The following CCDC158 variants were observed in gnomAD, a reference collection of about 807,000 sequenced individuals.
The protein encoded by CCDC158 is coiled-coil domain-containing protein 158.
CCDC158 carries 116 observed loss-of-function variants against 138.6 expected under a neutral mutation model. The ratio of observed to expected loss-of-function variants is 0.84; its 90% CI spans 0.72 to 0.98. The LOEUF (loss-of-function observed/expected upper bound fraction) is 0.98, where lower values mean the gene tolerates loss of function less well. CCDC158 is among the 50% of genes least tolerant of loss of function. The pLI is 0.00. For synonymous variants in CCDC158, 436 were observed against 442.4 expected (o/e 0.99, Z 0.18); for missense variants, 1,265 against 1,306.1 (o/e 0.97, Z 0.48).
At position 76,353,168 on chromosome 4, in the gene CCDC158, G is replaced by T. The variant is rs1243228408; in HGVS notation, c.2400C>A (p.Arg800=). The T allele has an allele frequency of 2.5e-6, 4 of 1,613,450 alleles. No individual in the cohort carries two copies. In the African/African-American group the frequency reaches 5.3e-5, roughly 22 times the overall value. ...TATTAGTAACCTTTTCTTTCAAACG[G>T]CGTTCCTGAGATCGCAGAACTTCCA... The part of the protein sequence containing the change: ...GELEVLRSQE[R]RLKEKVTNME... Residue 800 remains arginine, a synonymous_variant, in exon 16 of 25, where the codon CGC becomes CGA. Transcript: ENST00000682701.
chr4:76,320,541 A>G (rs1044922874), intron 24 of CCDC158, among the ~76,000 whole-genome samples: 1 of 152,204 alleles, frequency 6.6e-6, no homozygotes, highest in African/African-American at 2.4e-5. Context: ...ACTTCAAACT[A>G]TACTACAAGG....
At chr4:76,396,672 G>A (rs1472184404) in intron 3 of CCDC158, among the ~76,000 whole-genome samples, 186 bp from the exon 4 acceptor site, 2 of 151,780 alleles carry the variant, frequency 1.3e-5, no homozygotes, top group Non-Finnish European at 2.9e-5. Context: ...CACCATGCCG[G>A]GCTAATTTTT....
intron 22 of CCDC158, among the ~76,000 whole-genome samples, chr4:76,327,602 TATG>T (rs1720646082): frequency 6.6e-6 from 1 of 152,192 alleles, no homozygotes. Context: ...GGTATGACAT[TATG>T]ATAGCTACAA....
intron 22 of CCDC158, among the ~76,000 whole-genome samples, chr4:76,328,064 A>G (rs1242321710): frequency 1.3e-5 from 2 of 152,002 alleles, no homozygotes; most frequent in Non-Finnish European, 2.9e-5. Flanking sequence ...TGATGTTTTT[A>G]ATCTTTCTCT....
At chr4:76,392,192 T>C (rs1320846769) in intron 4 of CCDC158, among the ~76,000 whole-genome samples, 1 of 151,974 alleles carries the variant, frequency 6.6e-6, no homozygotes, top group Non-Finnish European at 1.5e-5. Context: ...CAGGTCAGTA[T>C]CTCTGATGAA....
At chr4:76,322,145 T>A (rs918946792) in intron 24 of CCDC158, among the ~76,000 whole-genome samples, 13 of 150,990 alleles carry the variant, frequency 8.6e-5, no homozygotes, top group African/African-American at 1.5e-4. Flanking sequence ...TATTGAAATT[T>A]AAAAAAAAAT....
intron 17 of CCDC158, among the ~76,000 whole-genome samples, chr4:76,351,505 A>C (rs901401351): frequency 1.3e-5 from 2 of 151,908 alleles, no homozygotes; most frequent in African/African-American, 4.8e-5. Context: ...AAACTCACCT[A>C]TTTTAAACTA....
chr4:76,316,627 T>C lies in CCDC158; in HGVS notation c.3278-3381A>G, dbSNP rs914537554. Reference sequence around the variant, plus strand: ...CTCAAAGAATACCTGTGAAATTCACTGCAAAAAGATCTCCACCTAGGCACA... The same window carrying C: ...CTCAAAGAATACCTGTGAAATTCACCGCAAAAAGATCTCCACCTAGGCACA... On this transcript the variant is annotated intron_variant, in intron 24 of 24. Transcript: ENST00000682701. Among the ~76,000 whole-genome samples the C allele has an allele frequency of 1.4e-4, 22 of 151,976 alleles. 1 individual carries two copies. The highest frequency in any genetic ancestry group is 3.3e-4 in the Admixed American group (5 of 15,262).
At chr4:76,362,021 G>A in intron 13 of CCDC158, 105 bp downstream of exon 13, 1 of 802,608 alleles carries the variant, frequency 1.2e-6, no homozygotes, top group Non-Finnish European at 2.0e-6. Flanking sequence ...ATTCATGTTT[G>A]TCATGTGAGT....
At chr4:76,388,633 T>A (rs1436110721) in intron 4 of CCDC158, among the ~76,000 whole-genome samples, 1 of 152,120 alleles carries the variant, frequency 6.6e-6, no homozygotes, top group African/African-American at 2.4e-5. Context: ...GGACAGCATG[T>A]CCAGACATGC....
intron 16 of CCDC158, 80 bp downstream of exon 16, chr4:76,353,043 A>T: frequency 8.4e-7 from 1 of 1,185,884 alleles, no homozygotes; most frequent in Non-Finnish European, 1.2e-6. Context: ...CTGTCTACAT[A>T]GAGCTTTTGT....
At chr4:76,409,354 A>C (rs77597692) in intron 2 of CCDC158, among the ~76,000 whole-genome samples, 4,428 of 151,614 alleles carry the variant, frequency 0.029, 214 homozygotes, top group African/African-American at 0.1. Context: ...TAAAAAAAAA[A>C]CTCTGCACTT....
rs1030484532 is a variant in CCDC158 at position 76,381,255 on chromosome 4, C to T, written c.914+1355G>A. Among the ~76,000 whole-genome samples the T allele has an allele frequency of 4.6e-5, 7 of 152,172 alleles. No homozygotes were observed. The East Asian group carries it at 5.8e-4, about 13-fold the overall frequency. ...ATCTACAGGCAGCTTGCACTGTGCA[C>T]GTGGAAAAACTACAGGCACTCAGTG... On this transcript the variant is annotated intron_variant, in intron 8 of 24. Transcript: ENST00000682701.
At chr4:76,322,183 C>G (rs748029247) in intron 24 of CCDC158, among the ~76,000 whole-genome samples, 4 of 152,104 alleles carry the variant, frequency 2.6e-5, no homozygotes, top group Non-Finnish European at 4.4e-5. Flanking sequence ...TCACAATAAA[C>G]TTAAAACCAA....
rs1219589095 is a variant in CCDC158, at chr4:76,357,527, C to G, written c.2021-1G>C. ...TTCCTTTTTAAGACTTCATACTCCT[C>G]TATACAATGTGATAATCAATAATAG... On this transcript the variant is annotated splice_acceptor_variant, in intron 13 of 24. Coordinates refer to ENST00000682701, the MANE Select transcript of CCDC158 (RefSeq NM_001394954.1). LOFTEE classifies it high-confidence loss of function. 5 of 1,526,078 alleles carry G rather than the reference C, an allele frequency of 3.3e-6. No individual in the cohort carries two copies. The highest frequency in any genetic ancestry group is 4.4e-6 in the Non-Finnish European group (5 of 1,131,240). 94.5% of individuals were successfully genotyped at this position (1,526,078 alleles called of 1,614,324 possible). A position where few individuals can be genotyped will look rare whatever the true frequency, so the allele number is the denominator to read the frequency against.
At chr4:76,334,746 C>T (rs933288059) in intron 18 of CCDC158, among the ~76,000 whole-genome samples, 1 of 152,134 alleles carries the variant, frequency 6.6e-6, no homozygotes, top group Non-Finnish European at 1.5e-5. Flanking sequence ...TCAATAGGCA[C>T]ATCAAGAGGG....
At chr4:76,382,457 C>G (rs1282327296) in intron 8 of CCDC158, among the ~76,000 whole-genome samples, 153 bp downstream of exon 8, 3 of 152,156 alleles carry the variant, frequency 2.0e-5, no homozygotes, top group African/African-American at 7.2e-5. Context: ...ACCTATGTTA[C>G]ATAATACTTC....
chr4:76,381,886 T>A (rs931543313), intron 8 of CCDC158, among the ~76,000 whole-genome samples: 4 of 151,956 alleles, frequency 2.6e-5, no homozygotes, highest in Admixed American at 2.0e-4. Flanking sequence ...TTTCACCGTG[T>A]TAGCCAGGAT....
chr4:76,409,312 AG>A lies in CCDC158; in HGVS notation c.-74+2777del, dbSNP rs149614894. Among the ~76,000 whole-genome samples, 616 of 151,262 alleles carry A rather than the reference AG, an allele frequency of 4.1e-3. 16 individuals are homozygous for A. The highest frequency in any genetic ancestry group is 0.029 in the Admixed American group (437 of 15,070). On this transcript the variant is annotated intron_variant, in intron 2 of 24. Transcript: ENST00000682701. Reference sequence around the variant, plus strand: ...TGATTAAAGATTTCTAGAAAAAGCAAGGTTTTTTGCTTCAATAAATCATAAA... The same window carrying A: ...TGATTAAAGATTTCTAGAAAAAGCAAGTTTTTTGCTTCAATAAATCATAAA...
Sources: gnomAD v4.1 joint callset for allele counts (sites outside exome capture counted in the v4.1 genomes callset) on GRCh38, gnomAD v4.1.1 for gene constraint, MANE v1.5 for transcripts, NCBI Gene and HGNC (gene_info 2026-07-23, HGNC 2026-07-21) for gene names.